Variants in DNAH5 observed in about 807,000 individuals in gnomAD.
DNAH5 encodes axonemal beta dynein heavy chain 5.
Under a neutral mutation model 518.2 loss-of-function variants are expected in DNAH5, and 372 were observed. The ratio of observed to expected loss-of-function variants is 0.72; its 90% CI spans 0.66 to 0.78. DNAH5 has a LOEUF of 0.78. DNAH5 is among the 30% of genes least tolerant of loss of function. DNAH5 has a pLI of 0.00. For missense variants in DNAH5, 5,523 were observed against 5,687.0 expected (o/e 0.97, Z 0.93); for synonymous variants, 2,039 against 2,025.9 (o/e 1.01, Z -0.17).
At chr5:13,724,296 C>T (rs1413491474) in intron 70 of DNAH5, among the ~76,000 whole-genome samples, 1 of 152,226 alleles carries the variant, frequency 6.6e-6, no homozygotes, top group Non-Finnish European at 1.5e-5. Flanking sequence ...AAGGACTGCC[C>T]TGCTGTGTTT....
At chr5:13,731,430 T>C (rs1746537037) in intron 68 of DNAH5, among the ~76,000 whole-genome samples, 2 of 151,918 alleles carry the variant, frequency 1.3e-5, no homozygotes, top group South Asian at 2.1e-4. Flanking sequence ...AGAGTATTAT[T>C]CATTGTTTAG....
intron 15 of DNAH5, chr5:13,898,731 T>C (rs574301546): frequency 1.4e-4 from 57 of 397,516 alleles, no homozygotes; most frequent in African/African-American, 1.1e-3. Context: ...AAATGTAAAG[T>C]ACAGTGCAAG....
At chr5:13,826,860 T>C (rs1762954391) in intron 38 of DNAH5, among the ~76,000 whole-genome samples, 1 of 152,176 alleles carries the variant, frequency 6.6e-6, no homozygotes, top group South Asian at 2.1e-4. Context: ...TGAAGAAATG[T>C]GGGAAAGTTT....
chr5:13,805,944 C>T (rs181140946), intron 47 of DNAH5, among the ~76,000 whole-genome samples: 37 of 152,192 alleles, frequency 2.4e-4, no homozygotes, highest in Non-Finnish European at 4.7e-4. Context: ...CTGAAGTCTG[C>T]ATTAGCTCTG....
At chr5:13,905,751 A>T (rs561973313) in intron 12 of DNAH5, among the ~76,000 whole-genome samples, 4 of 152,224 alleles carry the variant, frequency 2.6e-5, no homozygotes, top group Non-Finnish European at 5.9e-5. Flanking sequence ...ATACTATATG[A>T]TCCAGCAATC....
At chr5:13,964,329 G>C (rs1233459219) in intron 1 of DNAH5, among the ~76,000 whole-genome samples, 1 of 152,180 alleles carries the variant, frequency 6.6e-6, no homozygotes, top group Non-Finnish European at 1.5e-5. Context: ...GTGACTGGGT[G>C]AGTCTCTCCT....
At chr5:13,984,811 G>C in intron 1 of DNAH5, among the ~76,000 whole-genome samples, 1 of 152,126 alleles carries the variant, frequency 6.6e-6, no homozygotes, top group East Asian at 1.9e-4. Flanking sequence ...CTTTGGTTCT[G>C]TATTTTACAC....
Position 13,766,005 on chromosome 5 carries a change from T to C in DNAH5, c.10072A>G (p.Thr3358Ala). The change falls in exon 59 of 79, where the codon ACT (threonine) becomes GCT (alanine). Residue 3358 changes from threonine (T) to alanine (A), a missense_variant. Transcript: ENST00000265104. Reference sequence around the variant, plus strand: ...AAGTTCTGTAAAAAGTTCCCTGCAGTCATCAATTTTAAGGATTCCTGCCAG... The same window carrying C: ...AAGTTCTGTAAAAAGTTCCCTGCAGCCATCAATTTTAAGGATTCCTGCCAG... ...PSWQESLKLM[T>A]AGNFLQNLQQ... 1 of 1,614,170 alleles carries C rather than the reference T, an allele frequency of 6.2e-7. No individual in the cohort carries two copies. The highest frequency in any genetic ancestry group is 8.5e-7 in the Non-Finnish European group (1 of 1,180,002).
intron 1 of DNAH5, among the ~76,000 whole-genome samples, chr5:14,006,797 T>C (rs58571671): frequency 6.6e-6 from 1 of 152,350 alleles, no homozygotes; most frequent in African/African-American, 2.4e-5. Flanking sequence ...TGCTGTGGGC[T>C]GACTGACAGG....
In DNAH5 at chr5:13,810,021, CCCCCATGGGTTCCGTCTGGACGGG is replaced by C. The variant is rs1760343049; in HGVS notation, c.7609+14_7609+37del. The C allele has an allele frequency of 3.9e-6, 6 of 1,537,082 alleles. No homozygotes were observed. In the South Asian group the frequency reaches 7.2e-5, roughly 18 times the overall value. ...ATATTGGCCATGTAGGAAAGAACGG[CCCCCATGGGTTCCGTCTGGACGGG>C]CAGGTGTCCTCACCATCGGGCGCCA... On this transcript the variant is annotated intron_variant, in intron 45 of 78. Transcript: ENST00000265104.
intron 35 of DNAH5, among the ~76,000 whole-genome samples, chr5:13,832,498 C>T (rs893874536): frequency 6.6e-6 from 1 of 152,222 alleles, no homozygotes; most frequent in Non-Finnish European, 1.5e-5. Context: ...TTCTTGCCTC[C>T]CTTCTCTGCT....
chr5:13,908,338 T>A (rs566839570), intron 12 of DNAH5, among the ~76,000 whole-genome samples: 2 of 152,338 alleles, frequency 1.3e-5, no homozygotes, highest in Admixed American at 1.3e-4. Context: ...GTATAAATTA[T>A]GCAAAACTAG....
chr5:13,769,247 G>GTT (rs36092508), intron 57 of DNAH5, 111 bp from the exon 58 acceptor site: 22,866 of 728,184 alleles, frequency 0.031, 5 homozygotes, highest in South Asian at 0.063. Context: ...CAGTTTTGTT[G>GTT]TTTTTTTTTT....
intron 78 of DNAH5, among the ~76,000 whole-genome samples, chr5:13,698,091 C>T (rs1741603829): frequency 6.6e-6 from 1 of 152,200 alleles, no homozygotes; most frequent in Non-Finnish European, 1.5e-5. Flanking sequence ...AGTCCAGCTC[C>T]TGGTGCCCCT....
At chr5:13,873,637 T>G (rs1770453764) in intron 22 of DNAH5, among the ~76,000 whole-genome samples, 1 of 151,784 alleles carries the variant, frequency 6.6e-6, no homozygotes, top group Non-Finnish European at 1.5e-5. Context: ...AATTAAAATT[T>G]TGTCTTTTTT....
rs569906287 is a variant in DNAH5, at chr5:13,736,459, A to G, written c.11456-527T>C. 2.0e-5 allele frequency among the ~76,000 whole-genome samples: 3 copies of G among 152,196 alleles called. No homozygotes were observed. The East Asian group carries it at 5.8e-4, about 29-fold the overall frequency. The stretch of plus-strand genomic sequence containing the variant: ...CCCCAGGCTGGAGTACAGTGGCGTG[A>G]TCTCGGCTCACTGCAACCTCCGCCT... On this transcript the variant is annotated intron_variant, in intron 66 of 78. Coordinates refer to ENST00000265104, the MANE Select transcript of DNAH5 (RefSeq NM_001369.3).
intron 1 of DNAH5, among the ~76,000 whole-genome samples, chr5:13,973,053 C>A (rs1409669117): frequency 6.6e-6 from 1 of 152,090 alleles, no homozygotes; most frequent in Admixed American, 6.5e-5. Context: ...ATTAAGGATT[C>A]AGTGAGGGGG....
intron 12 of DNAH5, 30 bp from the exon 13 acceptor site, chr5:13,902,168 A>G (rs1266825661): frequency 6.7e-7 from 1 of 1,499,242 alleles, no homozygotes; most frequent in East Asian, 2.3e-5. Context: ...GATGATGAAC[A>G]ATAGAATTGG....
chr5:13,902,344 C>G (rs1027441661), intron 12 of DNAH5, among the ~76,000 whole-genome samples: 2 of 152,142 alleles, frequency 1.3e-5, no homozygotes, highest in African/African-American at 4.8e-5. Flanking sequence ...TGGGAGTTGG[C>G]GCCACGTCAG....
Sources: gnomAD v4.1 joint callset for allele counts (sites outside exome capture counted in the v4.1 genomes callset) on GRCh38, gnomAD v4.1.1 for gene constraint, MANE v1.5 for transcripts, NCBI Gene and HGNC (gene_info 2026-07-23, HGNC 2026-07-21) for gene names.